ACOT12: variants seen among roughly 807,000 people sequenced by gnomAD.
ACOT12 encodes acetyl-coenzyme A thioesterase.
ACOT12 carries 51 observed loss-of-function variants against 67.7 expected under a neutral mutation model. The ratio of observed to expected loss-of-function variants is 0.75; its 90% CI spans 0.60 to 0.95. The LOEUF (loss-of-function observed/expected upper bound fraction) is 0.95, where lower values mean the gene tolerates loss of function less well. ACOT12 is among the 40% of genes least tolerant of loss of function. The probability of loss-of-function intolerance (pLI) is 0.00; values close to 1 mark genes in which losing one functional copy is unlikely to be tolerated. For missense variants in ACOT12, 734 were observed against 708.1 expected (o/e 1.04, Z -0.41); for synonymous variants, 251 against 244.6 (o/e 1.03, Z -0.24).
rs1289419544 is a variant in ACOT12, at chr5:81,335,812, G to A, written c.1218C>T (p.Leu406=). The change falls in exon 12 of 15, where the codon CTC becomes CTT. Residue 406 remains leucine (L), a synonymous_variant. Transcript: ENST00000307624. The part of the protein sequence containing the change: ...VGSPAHLAYR[L]LSDFTKRPLW... ...AAGGTCGCTTTGTAAAGTCAGACAA[G>A]AGACGATAAGCCAAATGTGCTGGAC... The A allele has an allele frequency of 2.4e-5, 38 of 1,613,722 alleles. No homozygotes were observed. The highest frequency in any genetic ancestry group is 2.9e-5 in the Non-Finnish European group (34 of 1,179,964).
At chr5:81,383,808 T>C (rs1267953271) in intron 2 of ACOT12, among the ~76,000 whole-genome samples, 7 of 151,988 alleles carry the variant, frequency 4.6e-5, no homozygotes, top group Admixed American at 4.6e-4. Flanking sequence ...AAGAAAAATA[T>C]TTTTAAACAG....
chr5:81,343,173 T>A (rs1759256930), intron 10 of ACOT12, among the ~76,000 whole-genome samples: 1 of 144,472 alleles, frequency 6.9e-6, no homozygotes, highest in South Asian at 2.3e-4. Flanking sequence ...GGCGACAGAG[T>A]GAGACTCTGT....
intron 4 of ACOT12, among the ~76,000 whole-genome samples, chr5:81,362,165 T>TC (rs201567700): frequency 1.3e-3 from 60 of 45,158 alleles, no homozygotes; most frequent in Non-Finnish European, 2.1e-3. Context: ...ATTATATTCT[T>TC]TTTTTTTTTT....
chr5:81,344,056 T>A (rs1759292216), intron 9 of ACOT12, 104 bp downstream of exon 9: 4 of 1,356,808 alleles, frequency 2.9e-6, no homozygotes, highest in Non-Finnish European at 4.1e-6. Context: ...CATCAGACCT[T>A]CTCTTTTTCC....
At chr5:81,381,608 C>A (rs1225593663) in intron 2 of ACOT12, among the ~76,000 whole-genome samples, 1 of 151,726 alleles carries the variant, frequency 6.6e-6, no homozygotes, top group Admixed American at 6.6e-5. Context: ...ATAAATATTT[C>A]TTTACATTAA....
chr5:81,371,706 G>A, intron 3 of ACOT12, 44 bp downstream of exon 3: 1 of 1,572,890 alleles, frequency 6.4e-7, no homozygotes, highest in Non-Finnish European at 8.8e-7. Context: ...AAACAATGAA[G>A]AAGTGAGCAC....
chr5:81,356,915 C>G (rs559117649), intron 5 of ACOT12, among the ~76,000 whole-genome samples: 1 of 152,150 alleles, frequency 6.6e-6, no homozygotes, highest in South Asian at 2.1e-4. Context: ...ATGCCCCAAC[C>G]CTGCTCAAAA....
chr5:81,325,174 C>T (rs1363887310), downstream of ACOT12, among the ~76,000 whole-genome samples: 2 of 151,998 alleles, frequency 1.3e-5, no homozygotes, highest in Admixed American at 6.6e-5. Flanking sequence ...AAGTGAAAGG[C>T]GCATGGATGG....
chr5:81,363,399 T>A (rs957851333), intron 4 of ACOT12, among the ~76,000 whole-genome samples: 3 of 152,248 alleles, frequency 2.0e-5, no homozygotes, highest in Admixed American at 1.3e-4. Flanking sequence ...TGCAACTGCT[T>A]GCTAAATTGC....
intron 2 of ACOT12, among the ~76,000 whole-genome samples, chr5:81,374,784 TAAG>T (rs2153856786): frequency 6.6e-6 from 1 of 152,014 alleles, no homozygotes; most frequent in South Asian, 2.1e-4. Flanking sequence ...AGAAACAAGA[TAAG>T]AGAGAAAAGA....
At position 81,374,245 on chromosome 5, in the gene ACOT12, G is replaced by A. The variant is rs142617612; in HGVS notation, c.198-2435C>T. On this transcript the variant is annotated intron_variant, in intron 2 of 14. Coordinates refer to ENST00000307624, the MANE Select transcript of ACOT12 (RefSeq NM_130767.3). ...AACTCCAGCAGACCTGCAGCAGATG[G>A]GCCTGACTGTTAGAAGGAAGACTAA... Among the ~76,000 whole-genome samples the A allele has an allele frequency of 5.7e-3, 875 of 152,256 alleles. 5 individuals carry two copies. The highest frequency in any genetic ancestry group is 0.02 in the African/African-American group (836 of 41,562).
intron 4 of ACOT12, among the ~76,000 whole-genome samples, chr5:81,361,518 T>C (rs1034837490): frequency 3.3e-5 from 5 of 152,154 alleles, no homozygotes; most frequent in African/African-American, 1.2e-4. Flanking sequence ...ACAATTTTTG[T>C]AGTGTTGTTT....
chr5:81,368,117 T>C (rs1760137230), intron 3 of ACOT12, among the ~76,000 whole-genome samples: 1 of 151,848 alleles, frequency 6.6e-6, no homozygotes, highest in East Asian at 1.9e-4. Context: ...CATGGTGAAA[T>C]CCTTTCTCTA....
intron 11 of ACOT12, among the ~76,000 whole-genome samples, chr5:81,336,600 T>C (rs1759011575): frequency 1.3e-5 from 2 of 152,214 alleles, no homozygotes; most frequent in African/African-American, 2.4e-5. Context: ...CTTGCTACTC[T>C]GAGCTTTTCT....
the ACOT12 span, among the ~76,000 whole-genome samples, chr5:81,324,450 TA>T: frequency 6.6e-6 from 1 of 152,218 alleles, no homozygotes; most frequent in Non-Finnish European, 1.5e-5. Flanking sequence ...ACTATTGTCC[TA>T]ATGGAAATAC....
chr5:81,387,009 T>C (rs1760744980), intron 1 of ACOT12, among the ~76,000 whole-genome samples: 2 of 107,720 alleles, frequency 1.9e-5, no homozygotes, highest in Admixed American at 2.2e-4. Flanking sequence ...TTTTTTTTTT[T>C]TTTTTTTTTC....
At chr5:81,324,878 G>T in the ACOT12 span, among the ~76,000 whole-genome samples, 1 of 152,238 alleles carries the variant, frequency 6.6e-6, no homozygotes, top group South Asian at 2.1e-4. Flanking sequence ...TTGTGGAGTA[G>T]TGGAGGTGGG....
intron 3 of ACOT12, among the ~76,000 whole-genome samples, chr5:81,367,285 T>C (rs1190288386): frequency 1.3e-5 from 2 of 152,148 alleles, no homozygotes; most frequent in African/African-American, 4.8e-5. Context: ...TATGTGGGTA[T>C]ATATATAAAA....
Position 81,330,127 on chromosome 5 carries a change from C to T in ACOT12, c.*267G>A, listed in dbSNP as rs9546. ...ATGCCATTTTATAGAACACATAGTA[C>T]TGCATACAGGCAATTTTCCACTATC... On this transcript the variant is annotated 3_prime_UTR_variant, in exon 15 of 15. Coordinates refer to ENST00000307624, the MANE Select transcript of ACOT12 (RefSeq NM_130767.3). The T allele has an allele frequency of 0.52, 165,484 of 315,584 alleles. 44,676 individuals are homozygous for T. Among genetic ancestry groups the T allele is most frequent in the Admixed American group, 0.7 (15,654 of 22,516 alleles). The allele number at this position is 315,584 out of a possible 1,614,324, so 19.5% of individuals were successfully genotyped here. A position where few individuals can be genotyped will look rare whatever the true frequency, so the allele number is the denominator to read the frequency against.
Sources: gnomAD v4.1 joint callset for allele counts (sites outside exome capture counted in the v4.1 genomes callset) on GRCh38, gnomAD v4.1.1 for gene constraint, MANE v1.5 for transcripts, NCBI Gene and HGNC (gene_info 2026-07-23, HGNC 2026-07-21) for gene names.